The following C11orf54 variants were observed in gnomAD, a reference collection of about 807,000 sequenced individuals.
C11orf54 encodes beta-keto L-gulonate decarboxylase.
A neutral mutation model predicts 35.5 loss-of-function variants in C11orf54; 29 were observed. The ratio of observed to expected loss-of-function variants is 0.82; its 90% confidence interval spans 0.61 to 1.11. The LOEUF is 1.11. Ranked by LOEUF, C11orf54 falls within the 50% of genes most tolerant of loss-of-function variation. The probability of loss-of-function intolerance (pLI) is 0.00; values close to 1 mark genes in which losing one functional copy is unlikely to be tolerated. For synonymous variants in C11orf54, 108 were observed against 121.1 expected, an observed-to-expected ratio of 0.89 and a Z score of 0.71; for missense variants, 373 against 369.2, an observed-to-expected ratio of 1.01 and a Z score of -0.08.
chr11:93,758,750 C>T (rs570085288), intron 7 of C11orf54, among the ~76,000 whole-genome samples: 69 of 152,364 alleles, frequency 4.5e-4, no homozygotes, highest in African/African-American at 1.5e-3. Flanking sequence ...AGAGCAGCTC[C>T]CCACTGGCCT....
intron 2 of C11orf54, among the ~76,000 whole-genome samples, chr11:93,749,107 G>A (rs1591339821): frequency 7.0e-6 from 1 of 143,030 alleles, no homozygotes; most frequent in African/African-American, 2.6e-5. Flanking sequence ...TTGCGCCATT[G>A]TACTCCAGCC....
At chr11:93,758,158 G>A (rs1460666521) in intron 7 of C11orf54, among the ~76,000 whole-genome samples, 1 of 152,204 alleles carries the variant, frequency 6.6e-6, no homozygotes, top group African/African-American at 2.4e-5. Flanking sequence ...GCTCTCTGGA[G>A]CGGCTGCAGC....
At chr11:93,746,217 A>G (rs138872002) in intron 1 of C11orf54, 14 of 152,362 alleles carry the variant, frequency 9.2e-5, no homozygotes, top group African/African-American at 3.4e-4. Context: ...ATTTGGAAGA[A>G]TATTTCAAAT....
intron 1 of C11orf54, among the ~76,000 whole-genome samples, chr11:93,745,257 G>A (rs750108595): frequency 7.9e-5 from 12 of 152,244 alleles, no homozygotes; most frequent in Admixed American, 2.0e-4. Context: ...GCTGGGGGAC[G>A]GTTAGGTCTT....
rs1478087797 is a variant in C11orf54, at chr11:93,747,407, A to G, written c.14A>G (p.Glu5Gly). Reference protein sequence around the residue: MACAEFSFHVPSLEE... With the variant: MACAGFSFHVPSLEE... ...AGAAGAAAGAAAATGGCTTGTGCTG[A>G]GTTTTCTTTTCATGTACCAAGTCTT... The change falls in exon 2 of 9, where the codon GAG (glutamate) becomes GGG (glycine). Residue 5 changes from glutamate (E) to glycine (G), a missense_variant. By Grantham distance (98) the Glu-to-Gly change is moderately conservative. Transcript: ENST00000354421. The G allele has an allele frequency of 6.2e-7, 1 of 1,601,362 alleles. No individual in the cohort carries two copies. The highest frequency in any genetic ancestry group is 8.5e-7 in the Non-Finnish European group (1 of 1,175,204).
chr11:93,755,017 A>G (rs573238191), intron 5 of C11orf54, 193 bp from the exon 6 acceptor site: 22 of 519,296 alleles, frequency 4.2e-5, no homozygotes, highest in East Asian at 8.3e-5. Context: ...GATTACAGGC[A>G]TGAGCCACAG....
intron 7 of C11orf54, among the ~76,000 whole-genome samples, 187 bp downstream of exon 7, chr11:93,757,652 A>G (rs1416422990): frequency 6.6e-6 from 1 of 151,894 alleles, no homozygotes; most frequent in African/African-American, 2.4e-5. Context: ...GCCTCAGCCT[A>G]CTGAGTAGCT....
rs879192610 is a variant in C11orf54, at chr11:93,750,464, A to G, written c.154+20A>G. 6.4e-7 allele frequency: 1 copy of G among 1,561,996 alleles called. No homozygotes were observed. ...TAAAAGGTAAGCAATTTTTGCAATTAGCTTTTGTTTTTTAGTCATAATCTT... is the reference window on the plus strand; with the variant it reads ...TAAAAGGTAAGCAATTTTTGCAATTGGCTTTTGTTTTTTAGTCATAATCTT... On this transcript the variant is annotated intron_variant, in intron 3 of 8. Coordinates refer to ENST00000354421, the MANE Select transcript of C11orf54 (RefSeq NM_001286069.2).
chr11:93,760,396 A>G (rs2135678068), intron 8 of C11orf54, among the ~76,000 whole-genome samples: 1 of 152,322 alleles, frequency 6.6e-6, no homozygotes, highest in South Asian at 2.1e-4. Context: ...AAATTATTTT[A>G]TTAAATAGCA....
Position 93,755,243 on chromosome 11 carries a change from AAGCCTCCTGTAAATGG to A in C11orf54, c.366_381del (p.Pro123ValfsTer6). On this transcript the variant is annotated frameshift_variant, in exon 6 of 9. Transcript: ENST00000354421. LOFTEE classifies it high-confidence loss of function. ...AGTTATTCAGACAGAAAGTGAACACAAGCCTCCTGTAAATGGAAGTTACTTTGCCCATGTGAACCCT... is the reference window on the plus strand; with the variant it reads ...AGTTATTCAGACAGAAAGTGAACACAAAGTTACTTTGCCCATGTGAACCCT... 6.2e-7 allele frequency: 1 copy of A among 1,614,070 alleles called. No homozygotes were observed. The highest frequency in any genetic ancestry group is 8.5e-7 in the Non-Finnish European group (1 of 1,179,980).
chr11:93,743,868 A>G (rs1942302566), intron 1 of C11orf54, among the ~76,000 whole-genome samples: 1 of 152,106 alleles, frequency 6.6e-6, no homozygotes, highest in Non-Finnish European at 1.5e-5. Context: ...ACTCCCACCA[A>G]TTAGGCAGGA....
At position 93,755,192 on chromosome 11, in the gene C11orf54, G is replaced by A; in HGVS notation, c.331-18G>A. On this transcript the variant is annotated intron_variant, in intron 5 of 8. Transcript: ENST00000354421. ...GCAGAGATACAAAGATTGACTAATT[G>A]CCTCACTTTCTTTTCAGTTTATGCC... The A allele has an allele frequency of 6.2e-7, 1 of 1,610,414 alleles. No individual in the cohort carries two copies.
At chr11:93,755,898 G>A (rs1267881026) in intron 6 of C11orf54, among the ~76,000 whole-genome samples, 1 of 151,888 alleles carries the variant, frequency 6.6e-6, no homozygotes, top group Non-Finnish European at 1.5e-5. Context: ...AGACGCGGTG[G>A]CTCACGCCTG....
At position 93,749,459 on chromosome 11, in the gene C11orf54, T is replaced by C. The variant is rs568756735; in HGVS notation, c.56-887T>C. Among the ~76,000 whole-genome samples, 22 of 139,308 alleles carry C rather than the reference T, an allele frequency of 1.6e-4. No homozygotes were observed. The East Asian group carries it at 4.8e-3, about 30-fold the overall frequency. The allele number at this position is 139,308 out of a possible 152,430, so 91.4% of individuals were successfully genotyped here. ...CATGCTGCATACCACTGCACTCCAG[T>C]CTGGGCGACAGGGTAGGTAAGGCTA... is the stretch of plus-strand genomic sequence containing the variant. On this transcript the variant is annotated intron_variant, in intron 2 of 8. Transcript: ENST00000354421.
At position 93,759,331 on chromosome 11, in the gene C11orf54, T is replaced by C. The variant is rs145083692; in HGVS notation, c.658-411T>C. Among the ~76,000 whole-genome samples the C allele has an allele frequency of 9.3e-3, 1,410 of 152,320 alleles. 5 individuals are homozygous for C. Among genetic ancestry groups the C allele is most frequent in the Non-Finnish European group, 0.017 (1,137 of 68,036 alleles). On this transcript the variant is annotated intron_variant, in intron 7 of 8. Coordinates refer to ENST00000354421, the MANE Select transcript of C11orf54 (RefSeq NM_001286069.2). ...TATGCAGCCATAAAAAAGGATGAAT[T>C]TATGTCCTTTTCAGGGACATGGATG...
intron 5 of C11orf54, 44 bp downstream of exon 5, chr11:93,754,081 T>A: frequency 2.6e-6 from 4 of 1,550,962 alleles, no homozygotes; most frequent in Non-Finnish European, 3.5e-6. Flanking sequence ...TGGTTTGACA[T>A]TTGGTTTGTC....
chr11:93,754,077 G>A, intron 5 of C11orf54, 40 bp downstream of exon 5: 1 of 1,556,782 alleles, frequency 6.4e-7, no homozygotes, highest in Non-Finnish European at 8.8e-7. Flanking sequence ...TTATTGGTTT[G>A]ACATTTGGTT....
rs1943496861 is a variant in C11orf54, at chr11:93,761,851, C to G, written c.*163C>G. 17 of 586,254 alleles carry G rather than the reference C, an allele frequency of 2.9e-5. No individual in the cohort carries two copies. Among genetic ancestry groups the G allele is most frequent in the Non-Finnish European group, 4.1e-5 (16 of 385,744 alleles). 36.3% of individuals were successfully genotyped at this position (586,254 alleles called of 1,614,324 possible). A position where few individuals can be genotyped will look rare whatever the true frequency, so the allele number is the denominator to read the frequency against. On this transcript the variant is annotated 3_prime_UTR_variant, in exon 9 of 9. Transcript: ENST00000354421. ...TTGGGAGGCTGAGGCAGGAAGCACA[C>G]TGGAGCCCAGGAGTTTGAGACCAGC...
chr11:93,741,825 C>T, intron 1 of C11orf54, 97 bp downstream of exon 1: 1 of 220,756 alleles, frequency 4.5e-6, no homozygotes, highest in South Asian at 4.8e-5. Flanking sequence ...AGCCTCTCAG[C>T]CCGGTTCGTT....
Sources: gnomAD v4.1 joint callset for allele counts (sites outside exome capture counted in the v4.1 genomes callset) on GRCh38, gnomAD v4.1.1 for gene constraint, MANE v1.5 for transcripts, NCBI Gene and HGNC (gene_info 2026-07-23, HGNC 2026-07-21) for gene names.